The following FHIT variants were observed in gnomAD, a reference collection of about 807,000 sequenced individuals.
FHIT encodes the protein fragile histidine triad diadenosine triphosphatase.
FHIT carries 19 observed loss-of-function variants against 17.9 expected under a neutral mutation model. The observed-to-expected ratio is 1.06, with a 90% CI of 0.74 to 1.56. The LOEUF (loss-of-function observed/expected upper bound fraction) is 1.56. Ranked by LOEUF, FHIT falls within the 40% of genes most tolerant of loss-of-function variation. The pLI, the probability that FHIT is intolerant of heterozygous loss-of-function variation, is 0.00. For synonymous variants in FHIT, 81 were observed against 69.7 expected, an observed-to-expected ratio of 1.16 and a Z score of -0.81; for missense variants, 248 against 189.2, an observed-to-expected ratio of 1.31 and a Z score of -1.82.
chr3:60,625,197 C>A (rs2039251035), intron 4 of FHIT, among the ~76,000 whole-genome samples: 1 of 152,208 alleles, frequency 6.6e-6, no homozygotes, highest in African/African-American at 2.4e-5. Flanking sequence ...GCATGAACGA[C>A]CACGCCTGGC....
chr3:61,038,535 T>C (rs2033361826), intron 3 of FHIT, among the ~76,000 whole-genome samples: 1 of 152,198 alleles, frequency 6.6e-6, no homozygotes, highest in Non-Finnish European at 1.5e-5. Context: ...TTCAAGTCAG[T>C]TGGGGAAGTT....
intron 4 of FHIT, among the ~76,000 whole-genome samples, chr3:60,623,234 T>C (rs1270565078): frequency 1.3e-5 from 2 of 152,210 alleles, no homozygotes; most frequent in African/African-American, 4.8e-5. Context: ...ACCTCCCCTG[T>C]CCAATATGCC....
intron 5 of FHIT, among the ~76,000 whole-genome samples, chr3:60,418,283 TATTAAC>T (rs1702323941): frequency 6.6e-6 from 1 of 150,398 alleles, no homozygotes; most frequent in Non-Finnish European, 1.5e-5. Context: ...TAAAAATATG[TATTAAC>T]ATTAATTTTA....
intron 5 of FHIT, among the ~76,000 whole-genome samples, chr3:60,515,134 G>A (rs2035102891): frequency 1.3e-5 from 2 of 152,136 alleles, no homozygotes; most frequent in African/African-American, 2.4e-5. Flanking sequence ...ACCTGGAGCC[G>A]AGGGAGAGCT....
At chr3:60,103,226 T>C (rs1008121653) in intron 5 of FHIT, among the ~76,000 whole-genome samples, 16 of 152,304 alleles carry the variant, frequency 1.1e-4, no homozygotes, top group African/African-American at 1.4e-4. Context: ...GATAAACACA[T>C]TGTATATTGT....
rs184325023 is a variant in FHIT, at chr3:60,183,512, G to C, written c.104-169360C>G. On this transcript the variant is annotated intron_variant, in intron 5 of 9. Coordinates refer to ENST00000492590, the MANE Select transcript of FHIT (RefSeq NM_002012.4). Reference sequence around the variant, plus strand: ...AACACCGTGACTAACAAGTTTGACTGACAGTGTCCCTCAATCAGACACACT... The same window carrying C: ...AACACCGTGACTAACAAGTTTGACTCACAGTGTCCCTCAATCAGACACACT... Among the ~76,000 whole-genome samples the C allele has an allele frequency of 1.1e-4, 17 of 152,276 alleles. No homozygotes were observed. In the East Asian group the frequency reaches 2.7e-3, roughly 24 times the overall value.
intron 4 of FHIT, among the ~76,000 whole-genome samples, chr3:60,574,886 T>G (rs141275387): frequency 2.1e-5 from 3 of 143,904 alleles, no homozygotes; most frequent in Non-Finnish European, 3.1e-5. Context: ...CCACCCCCCA[T>G]GTTTTATCAT....
intron 3 of FHIT, among the ~76,000 whole-genome samples, chr3:60,930,663 A>C (rs1272585735): frequency 6.6e-6 from 1 of 152,222 alleles, no homozygotes; most frequent in African/African-American, 2.4e-5. Context: ...AACCACAATG[A>C]GATACCATCT....
intron 5 of FHIT, among the ~76,000 whole-genome samples, chr3:60,399,613 T>A (rs565939338): frequency 1.3e-5 from 2 of 152,150 alleles, no homozygotes; most frequent in Non-Finnish European, 2.9e-5. Flanking sequence ...AGCAGGTGAA[T>A]ATTCTCTTTC....
At chr3:61,249,811 C>G (rs1338629637) in intron 1 of FHIT, among the ~76,000 whole-genome samples, 1 of 152,028 alleles carries the variant, frequency 6.6e-6, no homozygotes, top group Non-Finnish European at 1.5e-5. Context: ...AAAAAGAGAT[C>G]ATGTGAACAG....
chr3:59,891,729 A>G (rs986240133), intron 8 of FHIT, among the ~76,000 whole-genome samples: 16 of 152,170 alleles, frequency 1.1e-4, no homozygotes, highest in Non-Finnish European at 2.9e-5. Context: ...CCCTTGCTTT[A>G]TAAAACATAT....
At chr3:60,938,716 T>A (rs1194335056) in intron 3 of FHIT, among the ~76,000 whole-genome samples, 3 of 152,160 alleles carry the variant, frequency 2.0e-5, no homozygotes, top group African/African-American at 7.2e-5. Flanking sequence ...GCTCTCTACA[T>A]CCATTGCCGT....
intron 5 of FHIT, among the ~76,000 whole-genome samples, chr3:60,049,776 C>T (rs528655332): frequency 4.6e-5 from 7 of 152,176 alleles, no homozygotes; most frequent in Admixed American, 1.3e-4. Flanking sequence ...CATTATACTT[C>T]TACCAGACAG....
At chr3:61,050,329 G>C (rs757411074) in intron 2 of FHIT, among the ~76,000 whole-genome samples, 1 of 152,044 alleles carries the variant, frequency 6.6e-6, no homozygotes, top group Non-Finnish European at 1.5e-5. Context: ...CAAAGTTATT[G>C]AGAGGAAGGG....
rs548250643 is a variant in FHIT at position 60,442,528 on chromosome 3, G to A, written c.103+94332C>T. Among the ~76,000 whole-genome samples the A allele has an allele frequency of 1.8e-4, 28 of 152,212 alleles. 2 individuals are homozygous for A. The South Asian group carries it at 5.4e-3, about 29-fold the overall frequency. Reference sequence around the variant, plus strand: ...TTCCCAGCACCATTTGTTAAATAGGGAATCCTTTCCCCATTTCTTGTTTAT... The same window carrying A: ...TTCCCAGCACCATTTGTTAAATAGGAAATCCTTTCCCCATTTCTTGTTTAT... On this transcript the variant is annotated intron_variant, in intron 5 of 9. Transcript: ENST00000492590.
chr3:60,540,368 C>T (rs1277571957), intron 4 of FHIT, among the ~76,000 whole-genome samples: 2 of 152,192 alleles, frequency 1.3e-5, no homozygotes, highest in African/African-American at 2.4e-5. Flanking sequence ...AAAGAAGGGA[C>T]CATGGGGTCC....
chr3:60,071,980 C>A (rs1263039153), intron 5 of FHIT, among the ~76,000 whole-genome samples: 1 of 152,190 alleles, frequency 6.6e-6, no homozygotes, highest in Non-Finnish European at 1.5e-5. Flanking sequence ...GCTTCCTCAG[C>A]CACGTGGAAC....
chr3:59,937,653 G>A (rs1706309216), intron 7 of FHIT, among the ~76,000 whole-genome samples: 1 of 152,114 alleles, frequency 6.6e-6, no homozygotes, highest in Non-Finnish European at 1.5e-5. Context: ...TAAGTAATTT[G>A]CTCCTTGCTT....
At chr3:60,377,570 T>C (rs912727070) in intron 5 of FHIT, among the ~76,000 whole-genome samples, 1 of 135,962 alleles carries the variant, frequency 7.4e-6, no homozygotes, top group Admixed American at 8.1e-5. Context: ...CAAGCTCCGC[T>C]TCCCGGGTTC....
Sources: allele counts gnomAD v4.1 joint callset (sites outside exome capture counted in the v4.1 genomes callset), GRCh38; gene constraint gnomAD v4.1.1; transcripts MANE v1.5; gene names NCBI Gene and HGNC (gene_info 2026-07-23, HGNC 2026-07-21).